SEPTIN9: variants seen among roughly 807,000 people sequenced by gnomAD.
The protein encoded by SEPTIN9 is septin-9.
A neutral mutation model predicts 56.6 loss-of-function variants in SEPTIN9; 13 were observed. That is an observed-to-expected ratio of 0.23 (90% confidence interval 0.15 to 0.37). SEPTIN9 has a LOEUF of 0.37. Among genes scored for constraint, SEPTIN9 ranks in the 10% least tolerant of loss-of-function variants. The probability of loss-of-function intolerance (pLI) is 1.00; values close to 1 mark genes in which losing one functional copy is unlikely to be tolerated. For missense variants in SEPTIN9, 650 were observed against 823.1 expected (o/e 0.79, Z 2.57); for synonymous variants, 332 against 334.1 (o/e 0.99, Z 0.07).
At chr17:77,431,274 C>T (rs2037122870) in intron 3 of SEPTIN9, among the ~76,000 whole-genome samples, 2 of 152,164 alleles carry the variant, frequency 1.3e-5, no homozygotes, top group Admixed American at 1.3e-4. Flanking sequence ...CACCACTGTA[C>T]TCCAGCTCCT....
chr17:77,395,389 G>A (rs1477869923), intron 2 of SEPTIN9, among the ~76,000 whole-genome samples: 1 of 152,060 alleles, frequency 6.6e-6, no homozygotes, highest in African/African-American at 2.4e-5. Flanking sequence ...TTAGCCAGAC[G>A]TGGTGGCCGG....
At chr17:77,398,293 C>T (rs28435961) in intron 2 of SEPTIN9, among the ~76,000 whole-genome samples, 27,914 of 152,150 alleles carry the variant, frequency 0.18, 3,465 homozygotes, top group East Asian at 0.65. Flanking sequence ...TTTCTAGAAG[C>T]GCCTGAGGCC....
chr17:77,457,322 A>G (rs1258985280), intron 3 of SEPTIN9, among the ~76,000 whole-genome samples: 3 of 152,074 alleles, frequency 2.0e-5, no homozygotes, highest in South Asian at 2.1e-4. Context: ...GCATCACTGC[A>G]TGGACCATGC....
chr17:77,297,031 T>TAGATAGGC (rs2143546150), intron 1 of SEPTIN9, among the ~76,000 whole-genome samples: 1 of 152,010 alleles, frequency 6.6e-6, no homozygotes, highest in East Asian at 1.9e-4. Flanking sequence ...GATGGGTGGG[T>TAGATAGGC]AGATAGGCAG....
In SEPTIN9 at chr17:77,310,010, G is replaced by A. The variant is rs9890119; in HGVS notation, c.76+2813G>A. Among the ~76,000 whole-genome samples, 46,914 of 150,314 alleles carry A rather than the reference G, an allele frequency of 0.31. 9,725 individuals are homozygous for A. The highest frequency in any genetic ancestry group is 0.59 in the African/African-American group (24,046 of 40,694). On this transcript the variant is annotated intron_variant, in intron 2 of 11. Transcript: ENST00000427177. The surrounding 1 kb of genome is among the most constrained non-coding windows in gnomAD (Gnocchi z 4.7). ...TTTTTTTTTTTTGAGATAGAGTCTCGCTCTATCGCCCAGGCTGGAGTGCAG... is the reference window on the plus strand; with the variant it reads ...TTTTTTTTTTTTGAGATAGAGTCTCACTCTATCGCCCAGGCTGGAGTGCAG...
At chr17:77,321,306 G>A (rs58152676) in intron 2 of SEPTIN9, among the ~76,000 whole-genome samples, 7 of 151,750 alleles carry the variant, frequency 4.6e-5, no homozygotes, top group African/African-American at 1.5e-4. Flanking sequence ...GTGTGTTGGG[G>A]GGTCCCTGAG....
chr17:77,320,287 G>A, intron 2 of SEPTIN9: 1 of 1,612,034 alleles, frequency 6.2e-7, no homozygotes, highest in South Asian at 1.1e-5. Context: ...CTCTGAGCGG[G>A]ACGCCGGGAC....
intron 3 of SEPTIN9, among the ~76,000 whole-genome samples, chr17:77,459,506 A>G (rs2038363965): frequency 6.6e-6 from 1 of 152,168 alleles, no homozygotes; most frequent in Non-Finnish European, 1.5e-5. Flanking sequence ...GTCCAGAAAG[A>G]GAAACTAATA....
chr17:77,411,651 C>T (rs766683135), intron 3 of SEPTIN9, among the ~76,000 whole-genome samples: 40 of 151,996 alleles, frequency 2.6e-4, no homozygotes, highest in Non-Finnish European at 4.7e-4. Context: ...CCGCCCACCT[C>T]GGCCTCCCAA....
Position 77,492,887 on chromosome 17 carries a change from G to C in SEPTIN9, c.1477-93G>C. 7.7e-7 allele frequency: 1 copy of C among 1,306,816 alleles called. No individual in the cohort carries two copies. The allele number at this position is 1,306,816 out of a possible 1,614,324, so 81.0% of individuals were successfully genotyped here. On this transcript the variant is annotated intron_variant, in intron 9 of 11. Transcript: ENST00000427177. This position sits in a 1 kb window ranked among gnomAD's most constrained non-coding sequence, Gnocchi z 5.4. ...CAGGCTGAGGCTCTCGTTTTTGGGG[G>C]ACCCCAGGCTCAGGGCAGCTCCTCC...
At chr17:77,281,854 C>T (rs1338243544) in intron 1 of SEPTIN9, 3 of 433,850 alleles carry the variant, frequency 6.9e-6, no homozygotes, top group Non-Finnish European at 1.2e-5. Flanking sequence ...CCAGGTCGGC[C>T]GGGTGCTTTG....
rs1266965312 is a variant in SEPTIN9 at position 77,310,146 on chromosome 17, T to A, written c.76+2949T>A. Reference sequence around the variant, plus strand: ...GGCACCCGCCACCATGTCTGGCTAATTTTTTTTGTATTTTTAGTAGACACA... The same window carrying A: ...GGCACCCGCCACCATGTCTGGCTAAATTTTTTTGTATTTTTAGTAGACACA... On this transcript the variant is annotated intron_variant, in intron 2 of 11. Transcript: ENST00000427177. This position sits in a 1 kb window ranked among gnomAD's most constrained non-coding sequence, Gnocchi z 4.7. Among the ~76,000 whole-genome samples, 2 of 123,788 alleles carry A rather than the reference T, an allele frequency of 1.6e-5. No homozygotes were observed. The highest frequency in any genetic ancestry group is 3.2e-5 in the Non-Finnish European group (2 of 61,930). The allele number at this position is 123,788 out of a possible 152,430, so 81.2% of individuals were successfully genotyped here. A position where few individuals can be genotyped will look rare whatever the true frequency, so the allele number is the denominator to read the frequency against.
chr17:77,403,454 C>G (rs1198911567), intron 3 of SEPTIN9, among the ~76,000 whole-genome samples: 2 of 152,218 alleles, frequency 1.3e-5, no homozygotes, highest in African/African-American at 4.8e-5. Context: ...GGGCTCAAGC[C>G]CACAGCCGTG....
At chr17:77,424,070 C>T (rs1180339813) in intron 3 of SEPTIN9, among the ~76,000 whole-genome samples, 1 of 152,232 alleles carries the variant, frequency 6.6e-6, no homozygotes, top group African/African-American at 2.4e-5. Flanking sequence ...CATTCCACCC[C>T]TCACCTTATT....
At chr17:77,321,503 C>T (rs1414155482) in intron 2 of SEPTIN9, among the ~76,000 whole-genome samples, 5 of 151,866 alleles carry the variant, frequency 3.3e-5, no homozygotes, top group Non-Finnish European at 5.9e-5. Flanking sequence ...TAGTTCATGC[C>T]ATTCTCCTGC....
chr17:77,368,398 G>A (rs1700683187), intron 2 of SEPTIN9, among the ~76,000 whole-genome samples: 1 of 150,590 alleles, frequency 6.6e-6, no homozygotes. Context: ...TGTAACCTCC[G>A]CCTCCCAGGT....
At position 77,445,296 on chromosome 17, in the gene SEPTIN9, T is replaced by A. The variant is rs368641821; in HGVS notation, c.722-36848T>A. 1 of 466,716 alleles carries A rather than the reference T, an allele frequency of 2.1e-6. No individual in the cohort carries two copies. The highest frequency in any genetic ancestry group is 2.3e-5 in the Admixed American group (1 of 42,556). 28.9% of individuals were successfully genotyped at this position (466,716 alleles called of 1,614,324 possible). ...CCCAGCCCTTTCCTCCGCACCCCCA[T>A]GCAGAAGCGCGGCCGCCAGCTCACA... On this transcript the variant is annotated intron_variant, in intron 3 of 11. Transcript: ENST00000427177. This position sits in a 1 kb window ranked among gnomAD's most constrained non-coding sequence, Gnocchi z 4.7.
intron 3 of SEPTIN9, among the ~76,000 whole-genome samples, chr17:77,414,589 T>C (rs1487545073): frequency 9.0e-6 from 1 of 110,574 alleles, no homozygotes; most frequent in Non-Finnish European, 1.9e-5. Context: ...TTTTTTTTTT[T>C]TTTTTTGAGA....
intron 2 of SEPTIN9, among the ~76,000 whole-genome samples, chr17:77,346,599 T>G (rs566411439): frequency 6.6e-6 from 1 of 152,302 alleles, no homozygotes; most frequent in African/African-American, 2.4e-5. Context: ...AATGTGTATC[T>G]TGGTGAATGC....
Sources: gnomAD v4.1 joint callset for allele counts (sites outside exome capture counted in the v4.1 genomes callset) on GRCh38, gnomAD v4.1.1 for gene constraint, Gnocchi (gnomAD v3.1) non-coding constraint, MANE v1.5 for transcripts, NCBI Gene and HGNC (gene_info 2026-07-23, HGNC 2026-07-21) for gene names.